The following ZNF462 variants were observed in gnomAD, a reference collection of about 807,000 sequenced individuals.
The protein encoded by ZNF462 is zinc finger protein 462, also known as zinc finger PBX1-interacting protein.
A neutral mutation model predicts 201.9 loss-of-function variants in ZNF462; 10 were observed. The ratio of observed to expected loss-of-function variants is 0.05; its 90% CI spans 0.03 to 0.08. The LOEUF is 0.08. Among genes scored for constraint, ZNF462 ranks in the 10% least tolerant of loss-of-function variants. ZNF462 has a pLI of 1.00. For synonymous variants in ZNF462, 1,227 were observed against 1,193.3 expected (o/e 1.03, Z -0.58); for missense variants, 2,523 against 3,168.3 (o/e 0.80, Z 4.89).
At position 106,926,094 on chromosome 9, in the gene ZNF462, G is replaced by A. The variant is rs1195354588; in HGVS notation, c.2182G>A (p.Glu728Lys). Residue 728 changes from glutamate to lysine, a missense_variant, in exon 3 of 13, where the codon GAA becomes AAA. Glu to Lys is a moderately conservative substitution (Grantham distance 56, BLOSUM62 1). This residue lies in a region of ZNF462 where 383 missense variants were observed against 453.4 expected (regional missense o/e 0.84). Transcript: ENST00000277225. The surrounding 1 kb of genome is among the most constrained non-coding windows in gnomAD (Gnocchi z 7.9). ...INVEDDEEEE[E>K]DNEVEIEVEL... is the part of the protein sequence containing the mutation. ...TGTTGAGGATGATGAAGAGGAAGAG[G>A]AAGACAACGAAGTCGAGATAGAGGT... 6.2e-7 allele frequency: 1 copy of A among 1,614,094 alleles called. No individual in the cohort carries two copies. Among genetic ancestry groups the A allele is most frequent in the African/African-American group, 1.3e-5 (1 of 74,942 alleles).
Position 106,978,277 on chromosome 9 carries a change from C to T in ZNF462, c.6832+4004C>T, listed in dbSNP as rs185466925. ...AGACAATTTAATAAACCACTGAGGT[C>T]GGTGGAAGCAAGACATGTTTGCAGA... On this transcript the variant is annotated intron_variant, in intron 9 of 12. Transcript: ENST00000277225. The surrounding 1 kb of genome is among the most constrained non-coding windows in gnomAD (Gnocchi z 4.1). 7.9e-5 allele frequency among the ~76,000 whole-genome samples: 12 copies of T among 151,562 alleles called. 1 individual carries two copies. Among genetic ancestry groups the T allele is most frequent in the South Asian group, 2.1e-4 (1 of 4,820 alleles).
At chr9:106,879,725 G>T (rs1828009437) in intron 1 of ZNF462, among the ~76,000 whole-genome samples, 1 of 152,114 alleles carries the variant, frequency 6.6e-6, no homozygotes, top group African/African-American at 2.4e-5. Flanking sequence ...CAGAAGCTTA[G>T]CAATTATATA....
intron 1 of ZNF462, among the ~76,000 whole-genome samples, chr9:106,908,947 T>A (rs1474821773): frequency 2.1e-3 from 76 of 35,984 alleles, no homozygotes; most frequent in East Asian, 3.4e-3. Context: ...ATATATTTTT[T>A]TTTTTTTTTT....
chr9:106,989,957 T>G (rs1828142605), intron 10 of ZNF462, among the ~76,000 whole-genome samples: 2 of 152,106 alleles, frequency 1.3e-5, no homozygotes, highest in Admixed American at 6.6e-5. Flanking sequence ...TTGCTAATGG[T>G]CTATCAATTT....
rs1828282621 is a variant in ZNF462, at chr9:106,885,612, T to C, written c.-31+22257T>C. On this transcript the variant is annotated intron_variant, in intron 1 of 12. Transcript: ENST00000277225. The surrounding 1 kb of genome is among the most constrained non-coding windows in gnomAD (Gnocchi z 4.1). ...CTTTAAGTAGCAGCTGAACATGTGA[T>C]CTTGTTAACCCTGAGATGTTGCTGA... is the stretch of plus-strand genomic sequence containing the variant. 6.6e-6 allele frequency among the ~76,000 whole-genome samples: 1 copy of C among 152,224 alleles called. No homozygotes were observed. Among genetic ancestry groups the C allele is most frequent in the Non-Finnish European group, 1.5e-5 (1 of 68,044 alleles).
rs1829787660 is a variant in ZNF462 at position 107,009,396 on chromosome 9, A to G, written c.7190-149A>G. On this transcript the variant is annotated intron_variant, in intron 11 of 12. Coordinates refer to ENST00000277225, the MANE Select transcript of ZNF462 (RefSeq NM_021224.6). This position sits in a 1 kb window ranked among gnomAD's most constrained non-coding sequence, Gnocchi z 6.1. ...ATTCAAGGAATGCCCTAAGGGGGAAACCTAAGAAAAAGTGAGGAATCTGGA... is the reference window on the plus strand; with the variant it reads ...ATTCAAGGAATGCCCTAAGGGGGAAGCCTAAGAAAAAGTGAGGAATCTGGA... The G allele has an allele frequency of 9.2e-7, 1 of 1,090,738 alleles. No homozygotes were observed. 67.6% of individuals were successfully genotyped at this position (1,090,738 alleles called of 1,614,324 possible).
In ZNF462 at chr9:106,930,027, T is replaced by C. The variant is rs1238215049; in HGVS notation, c.5847+268T>C. Among the ~76,000 whole-genome samples, 1 of 152,190 alleles carries C rather than the reference T, an allele frequency of 6.6e-6. No homozygotes were observed. ...GGGGTGGTTTCTATGTATGTCTTTCTGCCAAGTAGCTTTATCTGAAGCCTA... is the reference window on the plus strand; with the variant it reads ...GGGGTGGTTTCTATGTATGTCTTTCCGCCAAGTAGCTTTATCTGAAGCCTA... On this transcript the variant is annotated intron_variant, in intron 3 of 12. Transcript: ENST00000277225. This position sits in a 1 kb window ranked among gnomAD's most constrained non-coding sequence, Gnocchi z 5.8.
intron 1 of ZNF462, among the ~76,000 whole-genome samples, chr9:106,866,915 T>A (rs1041464381): frequency 2.6e-5 from 4 of 152,218 alleles, no homozygotes; most frequent in Non-Finnish European, 5.9e-5. Context: ...CATGATATCT[T>A]TTTTTATTGT....
rs1426685435 is a variant in ZNF462, at chr9:106,993,470, C to T, written c.7056+9061C>T. ...TTATCTTTGTTACTAGTGAGCGAGG[C>T]ATCACTTGTAATCTCTTAGGATCTA... On this transcript the variant is annotated intron_variant, in intron 10 of 12. Transcript: ENST00000277225. The surrounding 1 kb of genome is among the most constrained non-coding windows in gnomAD (Gnocchi z 4.0). Among the ~76,000 whole-genome samples the T allele has an allele frequency of 6.6e-6, 1 of 152,086 alleles. No individual in the cohort carries two copies. Among genetic ancestry groups the T allele is most frequent in the Non-Finnish European group, 1.5e-5 (1 of 67,994 alleles).
chr9:107,013,085 G>T lies in ZNF462; in HGVS notation c.*2055G>T, dbSNP rs1267634739. The T allele has an allele frequency of 2.8e-5, 4 of 142,246 alleles. No homozygotes were observed. Among genetic ancestry groups the T allele is most frequent in the Non-Finnish European group, 4.5e-5 (3 of 67,384 alleles). 8.8% of individuals were successfully genotyped at this position (142,246 alleles called of 1,614,324 possible). On this transcript the variant is annotated 3_prime_UTR_variant, in exon 13 of 13. Transcript: ENST00000277225. ...ATACCTGGATTGGGTGTTTGTAATG[G>T]TTACCAAAAAACAAACAAAAAAAGA... is the stretch of plus-strand genomic sequence containing the variant.
At chr9:106,997,313 C>A (rs1828810279) in intron 10 of ZNF462, among the ~76,000 whole-genome samples, 1 of 152,078 alleles carries the variant, frequency 6.6e-6, no homozygotes. Context: ...ATACAGCAAT[C>A]CCACTTCTGG....
chr9:106,941,780 A>G (rs966495288), intron 7 of ZNF462, among the ~76,000 whole-genome samples: 4 of 152,256 alleles, frequency 2.6e-5, no homozygotes, highest in African/African-American at 9.6e-5. Flanking sequence ...TTGAATCCTT[A>G]CTATAGATTT....
Position 106,920,034 on chromosome 9 carries a change from A to T in ZNF462, c.-30-3320A>T, listed in dbSNP as rs1358703356. Reference sequence around the variant, plus strand: ...ATGAAGTCAATAGATATGAGATCAAAGCTTTTAACTTAAAATCATAATTTT... The same window carrying T: ...ATGAAGTCAATAGATATGAGATCAATGCTTTTAACTTAAAATCATAATTTT... On this transcript the variant is annotated intron_variant, in intron 1 of 12. Transcript: ENST00000277225. This position sits in a 1 kb window ranked among gnomAD's most constrained non-coding sequence, Gnocchi z 4.3. Among the ~76,000 whole-genome samples, 1 of 152,210 alleles carries T rather than the reference A, an allele frequency of 6.6e-6. No homozygotes were observed. Among genetic ancestry groups the T allele is most frequent in the Non-Finnish European group, 1.5e-5 (1 of 68,052 alleles).
intron 1 of ZNF462, among the ~76,000 whole-genome samples, chr9:106,893,441 T>G (rs1828676742): frequency 6.6e-6 from 1 of 152,222 alleles, no homozygotes; most frequent in Non-Finnish European, 1.5e-5. Flanking sequence ...GTTGCTGAGA[T>G]GGCTTGCTAT....
chr9:106,964,702 A>G (rs916953634), intron 7 of ZNF462, among the ~76,000 whole-genome samples: 4 of 152,126 alleles, frequency 2.6e-5, no homozygotes. Flanking sequence ...GACTTTATCA[A>G]GTCTTTTCAA....
chr9:106,994,681 G>C (rs538741525), intron 10 of ZNF462, among the ~76,000 whole-genome samples: 1 of 152,238 alleles, frequency 6.6e-6, no homozygotes, highest in South Asian at 2.1e-4. Context: ...GTGTGTTGTA[G>C]AAGACAGAGA....
upstream of ZNF462, among the ~76,000 whole-genome samples, chr9:106,861,440 G>A (rs908565083): frequency 6.6e-6 from 1 of 152,176 alleles, no homozygotes. Flanking sequence ...CCTTAACACC[G>A]CGCCTTCACC....
At position 106,932,599 on chromosome 9, in the gene ZNF462, G is replaced by A; in HGVS notation, c.6116+50G>A. On this transcript the variant is annotated intron_variant, in intron 5 of 12. Transcript: ENST00000277225. The surrounding 1 kb of genome is among the most constrained non-coding windows in gnomAD (Gnocchi z 6.8). ...GTGGTTACTGGGAGATGATGTCATA[G>A]TGGAAGGCACTAAGCTAAAGCAGAA... is the stretch of plus-strand genomic sequence containing the variant. 6.2e-7 allele frequency: 1 copy of A among 1,612,972 alleles called. No homozygotes were observed. The highest frequency in any genetic ancestry group is 8.5e-7 in the Non-Finnish European group (1 of 1,179,204).
At position 106,929,249 on chromosome 9, in the gene ZNF462, G is replaced by A; in HGVS notation, c.5337G>A (p.Lys1779=). ...CSLCSFQSFS[K]KGIVSHYMKR... ...TGTGCTCTTTCCAGTCGTTCAGCAA[G>A]AAGGGCATCGTGTCCCATTACATGA... is the stretch of plus-strand genomic sequence containing the variant. The change falls in exon 3 of 13, where the codon AAG becomes AAA. Residue 1779 remains lysine, a synonymous_variant. Coordinates refer to ENST00000277225, the MANE Select transcript of ZNF462 (RefSeq NM_021224.6). This position sits in a 1 kb window ranked among gnomAD's most constrained non-coding sequence, Gnocchi z 8.7. 6.2e-7 allele frequency: 1 copy of A among 1,614,200 alleles called. No homozygotes were observed. Among genetic ancestry groups the A allele is most frequent in the Non-Finnish European group, 8.5e-7 (1 of 1,180,042 alleles).
Sources: gnomAD v4.1 joint callset for allele counts (sites outside exome capture counted in the v4.1 genomes callset) on GRCh38, gnomAD v4.1.1 for gene constraint, gnomAD v4.1.1 regional missense constraint, Gnocchi (gnomAD v3.1) non-coding constraint, MANE v1.5 for transcripts, NCBI Gene and HGNC (gene_info 2026-07-23, HGNC 2026-07-21) for gene names.